The following STK39 variants were observed in gnomAD, a reference collection of about 807,000 sequenced individuals.
The protein encoded by STK39 is serine/threonine kinase 39, also known as STE20/SPS1-related proline-alanine-rich protein kinase.
STK39 carries 20 observed loss-of-function variants against 77.8 expected under a neutral mutation model. The ratio of observed to expected loss-of-function variants is 0.26; its 90% CI spans 0.18 to 0.37. The LOEUF is 0.37. Among genes scored for constraint, STK39 ranks in the 10% least tolerant of loss-of-function variants. STK39 has a pLI of 1.00. For synonymous variants in STK39, 246 were observed against 234.1 expected (o/e 1.05, Z -0.47); for missense variants, 479 against 656.5 (o/e 0.73, Z 2.95).
At chr2:168,126,205 A>G (rs931807618) in intron 10 of STK39, among the ~76,000 whole-genome samples, 1 of 152,148 alleles carries the variant, frequency 6.6e-6, no homozygotes, top group Non-Finnish European at 1.5e-5. Flanking sequence ...GCGAACTGAT[A>G]AGACAAAAAT....
intron 16 of STK39, among the ~76,000 whole-genome samples, chr2:167,989,007 G>A (rs926792337): frequency 2.0e-5 from 3 of 152,172 alleles, no homozygotes; most frequent in South Asian, 4.1e-4. Flanking sequence ...CAGAACAAGG[G>A]TGAGTGGCAT....
intron 16 of STK39, among the ~76,000 whole-genome samples, chr2:168,002,089 G>C (rs1397634563): frequency 6.6e-6 from 1 of 152,242 alleles, no homozygotes; most frequent in African/African-American, 2.4e-5. Flanking sequence ...TACTGACTTA[G>C]TAGATATCTA....
intron 8 of STK39, among the ~76,000 whole-genome samples, chr2:168,132,910 T>G (rs975210422): frequency 2.6e-5 from 4 of 152,202 alleles, no homozygotes; most frequent in African/African-American, 9.7e-5. Flanking sequence ...AAAGTGATGC[T>G]GCTACACATT....
At position 168,001,283 on chromosome 2, in the gene STK39, A is replaced by AC. The variant is rs1553512389; in HGVS notation, c.1498+11350_1498+11351insG. 8.5e-3 allele frequency among the ~76,000 whole-genome samples: 1,294 copies of AC among 151,962 alleles called. 16 individuals carry two copies. The highest frequency in any genetic ancestry group is 0.029 in the African/African-American group (1,220 of 41,382). On this transcript the variant is annotated intron_variant, in intron 16 of 17. Coordinates refer to ENST00000355999, the MANE Select transcript of STK39 (RefSeq NM_013233.3). Reference sequence around the variant, plus strand: ...TGGAAACACATCAAAAAAAAAAAAAAAACAACAACAAAGGAACAAAATTGG... The same window carrying AC: ...TGGAAACACATCAAAAAAAAAAAAAACAACAACAACAAAGGAACAAAATTGG...
At chr2:168,122,338 A>C (rs185955018) in intron 10 of STK39, among the ~76,000 whole-genome samples, 5 of 152,296 alleles carry the variant, frequency 3.3e-5, no homozygotes, top group African/African-American at 1.2e-4. Context: ...CTCCACCTCC[A>C]TCCATGTTGC....
At chr2:168,181,261 T>C (rs1689077234) in intron 2 of STK39, among the ~76,000 whole-genome samples, 1 of 152,182 alleles carries the variant, frequency 6.6e-6, no homozygotes, top group Non-Finnish European at 1.5e-5. Flanking sequence ...AACAACGATA[T>C]TTATGAGATT....
At chr2:168,153,177 T>C (rs1188583109) in intron 5 of STK39, among the ~76,000 whole-genome samples, 2 of 152,232 alleles carry the variant, frequency 1.3e-5, no homozygotes, top group Non-Finnish European at 2.9e-5. Context: ...TGCTCAATAT[T>C]CTTTTAATCT....
At chr2:167,973,757 TTAAG>T (rs1436795224) in intron 16 of STK39, among the ~76,000 whole-genome samples, 12 of 152,158 alleles carry the variant, frequency 7.9e-5, no homozygotes, top group Admixed American at 4.6e-4. Flanking sequence ...TTGTTTTAAA[TTAAG>T]TAAGAATAAG....
At chr2:168,171,493 ATT>A (rs11305638) in intron 2 of STK39, among the ~76,000 whole-genome samples, 14 of 143,290 alleles carry the variant, frequency 9.8e-5, no homozygotes, top group East Asian at 2.1e-4. Context: ...AAAAAACTTA[ATT>A]TTTTTTTTTT....
At chr2:168,234,817 C>T (rs1030441596) in intron 1 of STK39, among the ~76,000 whole-genome samples, 2 of 150,908 alleles carry the variant, frequency 1.3e-5, no homozygotes, top group African/African-American at 4.9e-5. Flanking sequence ...CTGATTCCTA[C>T]ATATTTTTAC....
At chr2:168,169,143 CTT>C (rs2105601220) in intron 2 of STK39, among the ~76,000 whole-genome samples, 1 of 152,296 alleles carries the variant, frequency 6.6e-6, no homozygotes, top group Non-Finnish European at 1.5e-5. Context: ...AAATCTGACA[CTT>C]TTCAATTCAG....
At chr2:167,974,845 C>T (rs1683231985) in intron 16 of STK39, among the ~76,000 whole-genome samples, 1 of 152,096 alleles carries the variant, frequency 6.6e-6, no homozygotes, top group Non-Finnish European at 1.5e-5. Context: ...ATCATTCAAA[C>T]TGGGTAAGAA....
intron 16 of STK39, among the ~76,000 whole-genome samples, chr2:167,986,170 C>CT (rs1683552080): frequency 6.6e-6 from 1 of 152,196 alleles, no homozygotes; most frequent in African/African-American, 2.4e-5. Flanking sequence ...TTCAGGAACA[C>CT]TGACTGCCCT....
At chr2:167,990,472 G>A (rs1257942413) in intron 16 of STK39, among the ~76,000 whole-genome samples, 1 of 152,182 alleles carries the variant, frequency 6.6e-6, no homozygotes, top group East Asian at 1.9e-4. Context: ...CTTATAACGA[G>A]AAATGGTGAA....
intron 1 of STK39, among the ~76,000 whole-genome samples, chr2:168,239,470 G>A (rs1255961684): frequency 2.6e-5 from 4 of 152,264 alleles, no homozygotes; most frequent in Non-Finnish European, 4.4e-5. Flanking sequence ...GCAGGTGGAC[G>A]CACTCAAAGT....
chr2:168,231,193 A>C (rs1690445965), intron 1 of STK39, among the ~76,000 whole-genome samples: 2 of 152,190 alleles, frequency 1.3e-5, no homozygotes, highest in Non-Finnish European at 2.9e-5. Context: ...AAGGTTACAT[A>C]CTTATTCCAA....
chr2:168,194,371 GA>G (rs1250165804), intron 1 of STK39, among the ~76,000 whole-genome samples: 67 of 152,270 alleles, frequency 4.4e-4, no homozygotes, highest in African/African-American at 1.6e-3. Context: ...AGTGAGCCAA[GA>G]TCACGCCACT....
intron 14 of STK39, among the ~76,000 whole-genome samples, chr2:168,041,675 C>T (rs1685111805): frequency 6.6e-6 from 1 of 152,132 alleles, no homozygotes; most frequent in African/African-American, 2.4e-5. Context: ...GGTCAGAACT[C>T]CTAACTTGGA....
intron 17 of STK39, chr2:167,964,362 G>C (rs1264775555): frequency 1.0e-5 from 3 of 287,478 alleles, no homozygotes; most frequent in Non-Finnish European, 1.9e-5. Flanking sequence ...TGTCTTTATG[G>C]TCAAGTTGCA....
Sources: gnomAD v4.1 joint callset for allele counts (sites outside exome capture counted in the v4.1 genomes callset) on GRCh38, gnomAD v4.1.1 for gene constraint, MANE v1.5 for transcripts, NCBI Gene and HGNC (gene_info 2026-07-23, HGNC 2026-07-21) for gene names.